ATP10A: variants seen among roughly 807,000 people sequenced by gnomAD.
The protein encoded by ATP10A is ATPase phospholipid transporting 10A (putative), also known as phospholipid-transporting ATPase VA.
ATP10A carries 111 observed loss-of-function variants against 147.8 expected under a neutral mutation model. That is an observed-to-expected ratio of 0.75 (90% CI 0.64 to 0.88). The LOEUF is 0.88. Among genes scored for constraint, ATP10A ranks in the 40% least tolerant of loss-of-function variants. The pLI is 0.00. For synonymous variants in ATP10A, 875 were observed against 841.6 expected, an observed-to-expected ratio of 1.04 and a Z score of -0.69; for missense variants, 1,927 against 1,959.0, an observed-to-expected ratio of 0.98 and a Z score of 0.31.
chr15:25,759,145 T>C (rs925737362), intron 2 of ATP10A, among the ~76,000 whole-genome samples: 3 of 152,234 alleles, frequency 2.0e-5, no homozygotes, highest in African/African-American at 7.2e-5. Context: ...GGGCGCACCC[T>C]TCTATATAGA....
chr15:25,856,931 C>A (rs1567436199), intron 1 of ATP10A, among the ~76,000 whole-genome samples: 1 of 152,036 alleles, frequency 6.6e-6, no homozygotes, highest in East Asian at 1.9e-4. Flanking sequence ...CCCCATAGGA[C>A]AAATAACCCA....
chr15:25,860,507 C>T (rs775748529), intron 1 of ATP10A, among the ~76,000 whole-genome samples: 4 of 152,174 alleles, frequency 2.6e-5, no homozygotes, highest in Non-Finnish European at 4.4e-5. Flanking sequence ...AAGAATTTGA[C>T]CTGCCTTCCC....
intron 2 of ATP10A, among the ~76,000 whole-genome samples, chr15:25,739,091 C>CA (rs1385882541): frequency 6.6e-6 from 1 of 152,122 alleles, no homozygotes; most frequent in East Asian, 1.9e-4. Context: ...ATTTTTGAGA[C>CA]AGAGTTCTGC....
At chr15:25,817,140 T>C (rs1891695768) in intron 1 of ATP10A, among the ~76,000 whole-genome samples, 1 of 152,126 alleles carries the variant, frequency 6.6e-6, no homozygotes. Context: ...TGGAGTACAA[T>C]GGTGCAATCT....
At chr15:25,724,222 G>A (rs1246659889) in intron 5 of ATP10A, among the ~76,000 whole-genome samples, 1 of 152,158 alleles carries the variant, frequency 6.6e-6, no homozygotes, top group African/African-American at 2.4e-5. Flanking sequence ...GTGGGACCTG[G>A]TCTCTTCCTT....
intron 3 of ATP10A, among the ~76,000 whole-genome samples, chr15:25,731,411 G>A (rs1596778352): frequency 6.6e-6 from 1 of 152,330 alleles, no homozygotes; most frequent in East Asian, 1.9e-4. Context: ...GAGAACTAGG[G>A]AACCTGCTTT....
chr15:25,853,591 A>T (rs1893381120), intron 1 of ATP10A, among the ~76,000 whole-genome samples: 1 of 152,170 alleles, frequency 6.6e-6, no homozygotes, highest in Non-Finnish European at 1.5e-5. Context: ...TGTGATTGTT[A>T]AATGTCTACC....
chr15:25,700,260 A>G (rs565393516), intron 13 of ATP10A, among the ~76,000 whole-genome samples: 1 of 152,386 alleles, frequency 6.6e-6, no homozygotes, highest in African/African-American at 2.4e-5. Flanking sequence ...GACACTGAGC[A>G]AAGTAATACA....
At chr15:25,727,562 AG>A (rs1430054253) in intron 3 of ATP10A, among the ~76,000 whole-genome samples, 3 of 152,198 alleles carry the variant, frequency 2.0e-5, no homozygotes, top group Non-Finnish European at 4.4e-5. Flanking sequence ...GATCACCACT[AG>A]GAAGGGCAAA....
At chr15:25,805,156 G>A (rs1031335929) in intron 1 of ATP10A, among the ~76,000 whole-genome samples, 1 of 152,212 alleles carries the variant, frequency 6.6e-6, no homozygotes, top group African/African-American at 2.4e-5. Context: ...TGTCTGCCAC[G>A]TGTAGAGAAG....
chr15:25,769,416 G>T (rs1165183847), intron 2 of ATP10A, among the ~76,000 whole-genome samples: 1 of 150,798 alleles, frequency 6.6e-6, no homozygotes, highest in Non-Finnish European at 1.5e-5. Flanking sequence ...AACCTGGGGG[G>T]GCGGAGGTTA....
chr15:25,712,519 G>A (rs916608782), intron 10 of ATP10A, among the ~76,000 whole-genome samples: 1 of 129,668 alleles, frequency 7.7e-6, no homozygotes, highest in East Asian at 2.1e-4. Context: ...TGAACCCAAG[G>A]CTGTGGAATA....
chr15:25,857,432 G>A (rs1442758808), intron 1 of ATP10A, among the ~76,000 whole-genome samples: 1 of 152,086 alleles, frequency 6.6e-6, no homozygotes, highest in Non-Finnish European at 1.5e-5. Flanking sequence ...AGGCAACAGG[G>A]CAAGACTCTG....
chr15:25,748,198 G>A (rs1056609624), intron 2 of ATP10A, among the ~76,000 whole-genome samples: 7 of 152,044 alleles, frequency 4.6e-5, no homozygotes, highest in Admixed American at 1.3e-4. Context: ...TCCTGACCTC[G>A]TGATCTGCCA....
intron 2 of ATP10A, among the ~76,000 whole-genome samples, chr15:25,746,224 A>G (rs567202383): frequency 1.3e-5 from 2 of 152,296 alleles, no homozygotes; most frequent in East Asian, 1.9e-4. Flanking sequence ...TATTAATATT[A>G]GATAATATAG....
At chr15:25,791,702 A>G (rs1890436220) in intron 1 of ATP10A, among the ~76,000 whole-genome samples, 1 of 151,952 alleles carries the variant, frequency 6.6e-6, no homozygotes, top group Non-Finnish European at 1.5e-5. Context: ...CACTTTTTCT[A>G]TTGTATTCTT....
intron 1 of ATP10A, among the ~76,000 whole-genome samples, chr15:25,784,917 G>C (rs1237351377): frequency 6.8e-6 from 1 of 147,766 alleles, no homozygotes; most frequent in Non-Finnish European, 1.5e-5. Context: ...GCGAGACCCC[G>C]TGTCAAAAAA....
At chr15:25,693,694 A>G (rs998680801) in intron 14 of ATP10A, among the ~76,000 whole-genome samples, 2 of 152,168 alleles carry the variant, frequency 1.3e-5, no homozygotes, top group African/African-American at 4.8e-5. Flanking sequence ...CATGGCTGTT[A>G]GGTTCCCCGG....
chr15:25,860,170 C>T (rs1031962704), intron 1 of ATP10A, among the ~76,000 whole-genome samples: 1 of 152,160 alleles, frequency 6.6e-6, no homozygotes, highest in African/African-American at 2.4e-5. Flanking sequence ...CCCCAGTGTA[C>T]CCTAGAACCT....
Sources: allele counts gnomAD v4.1 joint callset (sites outside exome capture counted in the v4.1 genomes callset), GRCh38; gene constraint gnomAD v4.1.1; transcripts MANE v1.5; gene names NCBI Gene and HGNC (gene_info 2026-07-23, HGNC 2026-07-21).